The following NECAP1 variants were observed in gnomAD, a reference collection of about 807,000 sequenced individuals.
The protein encoded by NECAP1 is adaptin ear-binding coat-associated protein 1.
Under a neutral mutation model 33.4 loss-of-function variants are expected in NECAP1, and 13 were observed. The observed-to-expected ratio is 0.39, with a 90% CI of 0.25 to 0.62. The LOEUF (loss-of-function observed/expected upper bound fraction) is 0.62, where lower values mean the gene tolerates loss of function less well. NECAP1 is among the 20% of genes least tolerant of loss of function. The probability of loss-of-function intolerance (pLI) is 0.52; values close to 1 mark genes in which losing one functional copy is unlikely to be tolerated. For missense variants in NECAP1, 272 were observed against 347.4 expected, an observed-to-expected ratio of 0.78 and a Z score of 1.73; for synonymous variants, 109 against 125.2, an observed-to-expected ratio of 0.87 and a Z score of 0.86.
Position 8,092,865 on chromosome 12 carries a change from T to C in NECAP1, c.493-7T>C. The C allele has an allele frequency of 6.3e-7, 1 of 1,576,622 alleles. No homozygotes were observed. The highest frequency in any genetic ancestry group is 8.6e-7 in the Non-Finnish European group (1 of 1,161,472). ...CTTTCTCTTGCTCTTCTTTTTTTCTTTTGTAGAACATTACAAACAAGAAAG... is the reference window on the plus strand; with the variant it reads ...CTTTCTCTTGCTCTTCTTTTTTTCTCTTGTAGAACATTACAAACAAGAAAG... On this transcript the variant is annotated splice_region_variant and splice_polypyrimidine_tract_variant and intron_variant, in intron 5 of 7. Coordinates refer to ENST00000339754, the MANE Select transcript of NECAP1 (RefSeq NM_015509.4).
rs71042328 is a variant in NECAP1 at position 8,083,421 on chromosome 12, C to CTTTTTTTTTTTTTTTTTTTTTTTTTT, written c.95+1039_95+1064dup. Among the ~76,000 whole-genome samples, 3 of 65,840 alleles carry CTTTTTTTTTTTTTTTTTTTTTTTTTT rather than the reference C, an allele frequency of 4.6e-5. 1 individual carries two copies. The highest frequency in any genetic ancestry group is 2.6e-5 in the Non-Finnish European group (1 of 38,466). 43.2% of individuals were successfully genotyped at this position (65,840 alleles called of 152,430 possible). A position where few individuals can be genotyped will look rare whatever the true frequency, so the allele number is the denominator to read the frequency against. On this transcript the variant is annotated intron_variant, in intron 1 of 7. Transcript: ENST00000339754. ...CAGTTACAAATACTATTTGTTTGTT[C>CTTTTTTTTTTTTTTTTTTTTTTTTTT]TTTTTTTTTTTTTTTTTTTTTTTTT... is the stretch of plus-strand genomic sequence containing the variant.
intron 1 of NECAP1, among the ~76,000 whole-genome samples, chr12:8,085,875 T>C (rs1345529684): frequency 1.3e-5 from 2 of 152,000 alleles, no homozygotes; most frequent in East Asian, 3.9e-4. Context: ...GGCTAATTTT[T>C]TGTATTTTTA....
At position 8,092,910 on chromosome 12, in the gene NECAP1, G is replaced by T; in HGVS notation, c.531G>T (p.Arg177Ser). ...AGAAAGGAGGTGCTTCTAAGCCCAG[G>T]ACTGCAAGGGGTGGGGGTCTGAGCT... ...TNKKGGASKP[R>S]TARGGGLSLL... is the part of the protein sequence containing the mutation. The change falls in exon 6 of 8, where the codon AGG (arginine) becomes AGT (serine). Residue 177 changes from arginine (R) to serine (S), a missense_variant. By Grantham distance (110) the Arg-to-Ser change is moderately radical. Transcript: ENST00000339754. 6.3e-7 allele frequency: 1 copy of T among 1,584,696 alleles called. No homozygotes were observed.
chr12:8,082,405 C>G (rs942426783), intron 1 of NECAP1, 22 bp downstream of exon 1: 63 of 1,603,992 alleles, frequency 3.9e-5, no homozygotes, highest in Non-Finnish European at 4.8e-5. Flanking sequence ...GAGGCGCTGC[C>G]GCACACGCGT....
Position 8,082,314 on chromosome 12 carries a change from C to G in NECAP1, c.26C>G (p.Ser9Cys), listed in dbSNP as rs374673959. ...ATGGCGACCGAGTTGGAGTACGAGTCTGTGCTGTGTGTGAAGCCAGACGTC... is the reference window on the plus strand; with the variant it reads ...ATGGCGACCGAGTTGGAGTACGAGTGTGTGCTGTGTGTGAAGCCAGACGTC... Reference protein sequence around the residue: MATELEYESVLCVKPDVSV... With the variant: MATELEYECVLCVKPDVSV... The change falls in exon 1 of 8, where the codon TCT (serine) becomes TGT (cysteine). Residue 9 changes from serine (S) to cysteine (C), a missense_variant. Physicochemically the swap from Ser to Cys is moderately radical, Grantham distance 112. Coordinates refer to ENST00000339754, the MANE Select transcript of NECAP1 (RefSeq NM_015509.4). The G allele has an allele frequency of 3.1e-6, 5 of 1,612,758 alleles. No homozygotes were observed. The African/African-American group carries it at 6.7e-5, about 22-fold the overall frequency.
At chr12:8,083,318 T>C (rs887159557) in intron 1 of NECAP1, among the ~76,000 whole-genome samples, 2 of 151,932 alleles carry the variant, frequency 1.3e-5, no homozygotes, top group African/African-American at 4.8e-5. Flanking sequence ...GCTCTTATAA[T>C]GTGCTTAACA....
In NECAP1 at chr12:8,090,487, C is replaced by T. The variant is rs752736282; in HGVS notation, c.301+188C>T. On this transcript the variant is annotated intron_variant, in intron 3 of 7. Coordinates refer to ENST00000339754, the MANE Select transcript of NECAP1 (RefSeq NM_015509.4). ...TATTTGTAATAGATAAGCACGAGTT[C>T]AAGATGTGGTAATTCATATGTAGAC... The T allele has an allele frequency of 5.8e-5, 33 of 572,376 alleles. No individual in the cohort carries two copies. The East Asian group carries it at 9.4e-4, about 16-fold the overall frequency. The allele number at this position is 572,376 out of a possible 1,614,324, so 35.5% of individuals were successfully genotyped here. A position where few individuals can be genotyped will look rare whatever the true frequency, so the allele number is the denominator to read the frequency against.
chr12:8,086,387 C>T lies in NECAP1; in HGVS notation c.96-3549C>T, dbSNP rs779122956. ...CAGGACTTTGGGAGGCCGAGGCGCA[C>T]GGATCACTTAAGGTCAGGAGTTCCA... is the stretch of plus-strand genomic sequence containing the variant. On this transcript the variant is annotated intron_variant, in intron 1 of 7. Transcript: ENST00000339754. Among the ~76,000 whole-genome samples, 3 of 152,112 alleles carry T rather than the reference C, an allele frequency of 2.0e-5. No homozygotes were observed. The South Asian group carries it at 6.2e-4, about 32-fold the overall frequency.
At chr12:8,082,509 CT>C in intron 1 of NECAP1, 126 bp downstream of exon 1, 1 of 834,106 alleles carries the variant, frequency 1.2e-6, no homozygotes, top group Non-Finnish European at 1.9e-6. Flanking sequence ...GCCTCCCTAC[CT>C]GGGTTGTCAT....
intron 1 of NECAP1, among the ~76,000 whole-genome samples, chr12:8,083,283 A>C (rs774839757): frequency 1.3e-5 from 2 of 152,148 alleles, no homozygotes; most frequent in Non-Finnish European, 2.9e-5. Flanking sequence ...AATAGAAAAA[A>C]AAACCTGTTA....
rs1353201104 is a variant in NECAP1, at chr12:8,092,998, A to G, written c.619A>G (p.Ser207Gly). 1 of 1,613,998 alleles carries G rather than the reference A, an allele frequency of 6.2e-7. No homozygotes were observed. The part of the protein sequence containing the change: ...IPPPSSSVAI[S>G]NHVTPPPIPK... The stretch of plus-strand genomic sequence containing the variant: ...CCCACCATCCTCCTCAGTTGCCATC[A>G]GCAATCATGTCACCCCACCACCCAT... The change falls in exon 6 of 8, where the codon AGC (serine) becomes GGC (glycine). Residue 207 changes from serine (S) to glycine (G), a missense_variant. Physicochemically the swap from Ser to Gly is moderately conservative, Grantham distance 56. Coordinates refer to ENST00000339754, the MANE Select transcript of NECAP1 (RefSeq NM_015509.4).
At chr12:8,087,803 TTTAGG>T (rs1565643658) in intron 1 of NECAP1, among the ~76,000 whole-genome samples, 1 of 152,110 alleles carries the variant, frequency 6.6e-6, no homozygotes, top group Non-Finnish European at 1.5e-5. Flanking sequence ...CTGGATCAGA[TTTAGG>T]TACTTGAGGG....
intron 6 of NECAP1, 40 bp from the exon 7 acceptor site, chr12:8,095,561 G>T: frequency 6.5e-7 from 1 of 1,542,886 alleles, no homozygotes; most frequent in South Asian, 1.1e-5. Context: ...CCAAGATTTT[G>T]ATTATGTTTT....
intron 1 of NECAP1, among the ~76,000 whole-genome samples, chr12:8,084,467 A>C (rs966613719): frequency 6.6e-6 from 1 of 151,888 alleles, no homozygotes; most frequent in African/African-American, 2.4e-5. Flanking sequence ...GTTCTGGGAT[A>C]CATGTGCAGA....
intron 1 of NECAP1, among the ~76,000 whole-genome samples, chr12:8,084,344 A>G (rs1470562160): frequency 6.6e-6 from 1 of 152,156 alleles, no homozygotes. Flanking sequence ...GTACTATATG[A>G]GTCACTTAAA....
chr12:8,085,710 T>TGTTG (rs1947483185), intron 1 of NECAP1, among the ~76,000 whole-genome samples: 1 of 109,242 alleles, frequency 9.2e-6, no homozygotes, highest in African/African-American at 2.9e-5. Flanking sequence ...TTTTTTTTTT[T>TGTTG]TTTTTGTTGT....
At chr12:8,083,481 G>C (rs1267503198) in intron 1 of NECAP1, among the ~76,000 whole-genome samples, 1 of 134,364 alleles carries the variant, frequency 7.4e-6, no homozygotes, top group Non-Finnish European at 1.5e-5. Context: ...CCAGGCCGGA[G>C]CGCAATGGCT....
At chr12:8,095,948 T>A in intron 7 of NECAP1, 94 bp from the exon 8 acceptor site, 1 of 1,495,918 alleles carries the variant, frequency 6.7e-7, no homozygotes, top group Non-Finnish European at 9.2e-7. Flanking sequence ...TTTTGGAAAT[T>A]CTAGGCAGTG....
intron 1 of NECAP1, chr12:8,082,675 G>C (rs572032687): frequency 4.7e-5 from 18 of 381,088 alleles, no homozygotes; most frequent in African/African-American, 3.7e-4. Context: ...TCCCCATCAT[G>C]CACTTTCAGT....
Sources: gnomAD v4.1 joint callset for allele counts (sites outside exome capture counted in the v4.1 genomes callset) on GRCh38, gnomAD v4.1.1 for gene constraint, MANE v1.5 for transcripts, NCBI Gene and HGNC (gene_info 2026-07-23, HGNC 2026-07-21) for gene names.